The following ORC5 variants were observed in gnomAD, a reference collection of about 807,000 sequenced individuals.
The protein encoded by ORC5 is origin recognition complex subunit 5.
Under a neutral mutation model 58.8 loss-of-function variants are expected in ORC5, and 39 were observed. That is an observed-to-expected ratio of 0.66 (90% CI 0.51 to 0.87). The LOEUF (loss-of-function observed/expected upper bound fraction) is 0.87, where lower values mean the gene tolerates loss of function less well. ORC5 is among the 40% of genes least tolerant of loss of function. ORC5 has a pLI of 0.00. For synonymous variants in ORC5, 218 were observed against 177.6 expected (o/e 1.23, Z -1.81); for missense variants, 493 against 506.3 (o/e 0.97, Z 0.25).
At chr7:104,194,705 T>G (rs1016508045) in intron 5 of ORC5, among the ~76,000 whole-genome samples, 1 of 152,076 alleles carries the variant, frequency 6.6e-6, no homozygotes, top group Non-Finnish European at 1.5e-5. Flanking sequence ...TAATATGCTT[T>G]ACAAGTCTAG....
chr7:104,170,056 G>A (rs1446516793), intron 8 of ORC5, among the ~76,000 whole-genome samples: 1 of 152,120 alleles, frequency 6.6e-6, no homozygotes, highest in East Asian at 1.9e-4. Flanking sequence ...CTCTAGCCTT[G>A]ATAGTTCAAT....
chr7:104,162,307 G>C (rs1000186104), intron 11 of ORC5, among the ~76,000 whole-genome samples: 6 of 152,230 alleles, frequency 3.9e-5, no homozygotes, highest in Non-Finnish European at 7.4e-5. Context: ...CAAGTAGCTG[G>C]GATTACAGGC....
chr7:104,177,192 G>C (rs1799339761), intron 8 of ORC5, among the ~76,000 whole-genome samples: 1 of 152,148 alleles, frequency 6.6e-6, no homozygotes, highest in South Asian at 2.1e-4. Flanking sequence ...TAAATTAGAT[G>C]AATGTAGGTG....
chr7:104,156,425 C>T (rs1360140187), intron 12 of ORC5, among the ~76,000 whole-genome samples: 2 of 151,536 alleles, frequency 1.3e-5, no homozygotes, highest in Non-Finnish European at 3.0e-5. Flanking sequence ...TACAATATTG[C>T]TGCTAGTACT....
intron 12 of ORC5, among the ~76,000 whole-genome samples, chr7:104,153,549 T>C (rs1798878853): frequency 6.6e-6 from 1 of 152,228 alleles, no homozygotes; most frequent in Non-Finnish European, 1.5e-5. Flanking sequence ...TTCAAGCTAT[T>C]TTCTATGATT....
chr7:104,145,270 C>G (rs907275940), intron 12 of ORC5, among the ~76,000 whole-genome samples: 4 of 152,136 alleles, frequency 2.6e-5, no homozygotes, highest in East Asian at 3.8e-4. Flanking sequence ...AGTGACACAT[C>G]TGTGACTTAG....
intron 11 of ORC5, among the ~76,000 whole-genome samples, chr7:104,163,169 C>T (rs1799051122): frequency 6.6e-6 from 1 of 152,176 alleles, no homozygotes; most frequent in Non-Finnish European, 1.5e-5. Context: ...AAGCACAAGG[C>T]AGAGTCAGTG....
At chr7:104,167,282 C>CT (rs138189430) in intron 9 of ORC5, among the ~76,000 whole-genome samples, 4,325 of 152,204 alleles carry the variant, frequency 0.028, 187 homozygotes, top group African/African-American at 0.099. Context: ...GTTGAGTATA[C>CT]TTTATCTGAA....
chr7:104,155,588 C>T lies in ORC5; in HGVS notation c.1149+5484G>A, dbSNP rs1190349660. Among the ~76,000 whole-genome samples, 4 of 151,332 alleles carry T rather than the reference C, an allele frequency of 2.6e-5. No homozygotes were observed. In the East Asian group the frequency reaches 5.8e-4, roughly 22 times the overall value. On this transcript the variant is annotated intron_variant, in intron 12 of 13. Coordinates refer to ENST00000297431, the MANE Select transcript of ORC5 (RefSeq NM_002553.4). ...ATTATTTTCCAAAATGCAAATTGATCGAAGCAGATCAATGAAAATTAAAAC... is the reference window on the plus strand; with the variant it reads ...ATTATTTTCCAAAATGCAAATTGATTGAAGCAGATCAATGAAAATTAAAAC...
At chr7:104,162,282 C>T (rs926667096) in intron 11 of ORC5, among the ~76,000 whole-genome samples, 2 of 152,202 alleles carry the variant, frequency 1.3e-5, no homozygotes, top group Admixed American at 1.3e-4. Context: ...AAGTGATTCT[C>T]GTATCTCAGC....
At position 104,168,304 on chromosome 7, in the gene ORC5, A is replaced by G. The variant is rs372781934; in HGVS notation, c.877+169T>C. On this transcript the variant is annotated intron_variant, in intron 9 of 13. Coordinates refer to ENST00000297431, the MANE Select transcript of ORC5 (RefSeq NM_002553.4). The stretch of plus-strand genomic sequence containing the variant: ...CTTTTATTTCCTCCCATTAAATTAG[A>G]GCTTCAGTTAAAGAAAAATCATTAA... The G allele has an allele frequency of 3.8e-5, 46 of 1,195,120 alleles. No homozygotes were observed. In the East Asian group the frequency reaches 1.2e-3, roughly 32 times the overall value. 74.0% of individuals were successfully genotyped at this position (1,195,120 alleles called of 1,614,324 possible).
intron 12 of ORC5, among the ~76,000 whole-genome samples, chr7:104,151,966 C>A (rs951566587): frequency 5.9e-5 from 9 of 152,148 alleles, no homozygotes; most frequent in South Asian, 2.1e-4. Flanking sequence ...CCTAATTTTT[C>A]ATCTAGGAGA....
rs1209966902 is a variant in ORC5, at chr7:104,162,557, AAAG to A, written c.1039-1378_1039-1376del. The stretch of plus-strand genomic sequence containing the variant: ...ATTTATTTAAAACAAGAATGAATGT[AAAG>A]AAGAATACCTACTCAGAATTATACA... On this transcript the variant is annotated intron_variant, in intron 11 of 13. Transcript: ENST00000297431. Among the ~76,000 whole-genome samples the A allele has an allele frequency of 4.6e-5, 7 of 152,360 alleles. No homozygotes were observed. In the East Asian group the frequency reaches 5.8e-4, roughly 13 times the overall value.
At chr7:104,149,746 G>C (rs1421052737) in intron 12 of ORC5, among the ~76,000 whole-genome samples, 1 of 152,040 alleles carries the variant, frequency 6.6e-6, no homozygotes, top group Non-Finnish European at 1.5e-5. Context: ...GCAGCATTCT[G>C]ACACTGCTTA....
intron 5 of ORC5, among the ~76,000 whole-genome samples, chr7:104,192,105 T>C (rs1296660069): frequency 1.3e-5 from 2 of 152,074 alleles, no homozygotes; most frequent in South Asian, 4.1e-4. Flanking sequence ...AAGGAGACTT[T>C]CAAAAGGAGC....
intron 4 of ORC5, among the ~76,000 whole-genome samples, 184 bp from the exon 5 acceptor site, chr7:104,195,438 C>T (rs752898017): frequency 6.6e-6 from 1 of 152,164 alleles, no homozygotes; most frequent in Non-Finnish European, 1.5e-5. Context: ...CAAACTGTCA[C>T]ACATCCAAGC....
At chr7:104,204,977 G>A (rs1391113664) in intron 1 of ORC5, among the ~76,000 whole-genome samples, 1 of 151,846 alleles carries the variant, frequency 6.6e-6, no homozygotes, top group Non-Finnish European at 1.5e-5. Flanking sequence ...TGAAAACCAT[G>A]AGGTACTGAA....
At chr7:104,171,586 T>C (rs763313036) in intron 8 of ORC5, among the ~76,000 whole-genome samples, 1 of 152,050 alleles carries the variant, frequency 6.6e-6, no homozygotes, top group Non-Finnish European at 1.5e-5. Context: ...TTACCAACTC[T>C]CAAAGGAATA....
chr7:104,144,782 T>C (rs1161603596), intron 12 of ORC5, among the ~76,000 whole-genome samples: 1 of 152,098 alleles, frequency 6.6e-6, no homozygotes, highest in Non-Finnish European at 1.5e-5. Context: ...ATGAACAGGA[T>C]CATAAAAAAT....
Sources: gnomAD v4.1 joint callset for allele counts (sites outside exome capture counted in the v4.1 genomes callset) on GRCh38, gnomAD v4.1.1 for gene constraint, MANE v1.5 for transcripts, NCBI Gene and HGNC (gene_info 2026-07-23, HGNC 2026-07-21) for gene names.